PTPRD: variants seen among roughly 807,000 people sequenced by gnomAD.
The protein encoded by PTPRD is receptor-type tyrosine-protein phosphatase delta.
Under a neutral mutation model 214.5 loss-of-function variants are expected in PTPRD, and 34 were observed. The ratio of observed to expected loss-of-function variants is 0.16; its 90% CI spans 0.12 to 0.21. The LOEUF is 0.21. Ranked by LOEUF, PTPRD falls within the 10% of genes least tolerant of loss-of-function variation. The probability of loss-of-function intolerance (pLI) is 1.00; values close to 1 mark genes in which losing one functional copy is unlikely to be tolerated. For synonymous variants in PTPRD, 1,128 were observed against 845.7 expected (o/e 1.33, Z -5.79); for missense variants, 2,545 against 2,398.7 (o/e 1.06, Z -1.27).
At chr9:10,307,332 T>C (rs1230056886) in intron 3 of PTPRD, among the ~76,000 whole-genome samples, 2 of 152,140 alleles carry the variant, frequency 1.3e-5, no homozygotes, top group South Asian at 2.1e-4. Context: ...GACATCTGTC[T>C]TTCTGTGCCT....
At chr9:8,838,024 C>A (rs752251841) in intron 11 of PTPRD, among the ~76,000 whole-genome samples, 26 of 152,056 alleles carry the variant, frequency 1.7e-4, no homozygotes, top group Middle Eastern at 3.4e-3. Context: ...ATGTAAGAGT[C>A]AACTGAAGTT....
intron 6 of PTPRD, among the ~76,000 whole-genome samples, chr9:9,762,992 T>C (rs374033528): frequency 2.0e-5 from 3 of 152,208 alleles, no homozygotes; most frequent in South Asian, 4.1e-4. Context: ...GTTGCCATCT[T>C]GCTGTGTGTT....
Position 9,196,258 on chromosome 9 carries a change from G to T in PTPRD, c.-202-12895C>A, listed in dbSNP as rs1015920934. Reference sequence around the variant, plus strand: ...CTTCCTACTTCCTGGAACACAGAGTGAAATTATATGAAATAGTCATGTCTG... The same window carrying T: ...CTTCCTACTTCCTGGAACACAGAGTTAAATTATATGAAATAGTCATGTCTG... On this transcript the variant is annotated intron_variant, in intron 9 of 45. Coordinates refer to ENST00000381196, the MANE Select transcript of PTPRD (RefSeq NM_002839.4). 3.9e-5 allele frequency among the ~76,000 whole-genome samples: 6 copies of T among 152,268 alleles called. No homozygotes were observed. The South Asian group carries it at 1.0e-3, about 26-fold the overall frequency.
chr9:9,320,269 C>G (rs1432657380), intron 9 of PTPRD, among the ~76,000 whole-genome samples: 2 of 150,970 alleles, frequency 1.3e-5, no homozygotes, highest in African/African-American at 4.9e-5. Flanking sequence ...TTTTTTTTCC[C>G]TCACATATCA....
intron 8 of PTPRD, among the ~76,000 whole-genome samples, chr9:9,464,136 CTCCAT>C (rs1403840729): frequency 1.3e-5 from 2 of 152,156 alleles, no homozygotes; most frequent in Admixed American, 1.3e-4. Context: ...TTAATAAAGC[CTCCAT>C]TCCAGGAAAC....
intron 5 of PTPRD, among the ~76,000 whole-genome samples, chr9:9,848,686 C>G (rs9408795): frequency 0.45 from 68,049 of 151,870 alleles, 17,030 homozygotes; most frequent in Non-Finnish European, 0.58. Flanking sequence ...AAATATATCA[C>G]ACAAAATAGA....
At chr9:9,621,808 T>C in intron 7 of PTPRD, among the ~76,000 whole-genome samples, 1 of 152,334 alleles carries the variant, frequency 6.6e-6, no homozygotes, top group East Asian at 1.9e-4. Flanking sequence ...ATAGTGATGG[T>C]GTGATGGAAA....
chr9:10,590,903 AATAT>A (rs772560840), intron 2 of PTPRD, among the ~76,000 whole-genome samples: 4 of 150,356 alleles, frequency 2.7e-5, no homozygotes, highest in Non-Finnish European at 4.4e-5. Flanking sequence ...AATTATATAA[AATAT>A]ATATAAATTA....
intron 3 of PTPRD, among the ~76,000 whole-genome samples, chr9:10,290,465 G>C (rs1038227387): frequency 6.6e-6 from 1 of 152,100 alleles, no homozygotes; most frequent in Non-Finnish European, 1.5e-5. Context: ...ACATGAGAAA[G>C]CTGTAGTTGT....
At chr9:10,317,735 TAAAA>T (rs529815168) in intron 3 of PTPRD, among the ~76,000 whole-genome samples, 1 of 151,978 alleles carries the variant, frequency 6.6e-6, no homozygotes, top group African/African-American at 2.4e-5. Flanking sequence ...CAAACACAAA[TAAAA>T]AAATTACTTT....
At chr9:10,159,176 G>A (rs1245272502) in intron 3 of PTPRD, among the ~76,000 whole-genome samples, 2 of 151,304 alleles carry the variant, frequency 1.3e-5, no homozygotes, top group Middle Eastern at 3.4e-3. Flanking sequence ...GCAAAAATGT[G>A]GGGAGAAAAA....
intron 4 of PTPRD, among the ~76,000 whole-genome samples, chr9:9,994,391 C>A (rs1487926112): frequency 1.3e-5 from 2 of 152,134 alleles, no homozygotes; most frequent in Non-Finnish European, 2.9e-5. Context: ...ACTTACCTCT[C>A]TAGAATAATT....
chr9:8,871,802 C>T (rs907493297), intron 11 of PTPRD, among the ~76,000 whole-genome samples: 3 of 151,922 alleles, frequency 2.0e-5, no homozygotes, highest in African/African-American at 4.8e-5. Flanking sequence ...AATAGCTTAA[C>T]TTAATTCAAA....
chr9:9,511,614 T>C (rs529235671), intron 8 of PTPRD, among the ~76,000 whole-genome samples: 1 of 151,818 alleles, frequency 6.6e-6, no homozygotes, highest in Non-Finnish European at 1.5e-5. Context: ...ATCAACATCA[T>C]ATCTCTTGCA....
At chr9:9,204,159 A>T (rs2099943447) in intron 9 of PTPRD, among the ~76,000 whole-genome samples, 1 of 152,094 alleles carries the variant, frequency 6.6e-6, no homozygotes, top group African/African-American at 2.4e-5. Flanking sequence ...GGGACTTCTG[A>T]TTTCTAATCC....
At chr9:8,453,498 T>C (rs2096053515) in intron 33 of PTPRD, among the ~76,000 whole-genome samples, 1 of 152,202 alleles carries the variant, frequency 6.6e-6, no homozygotes, top group Admixed American at 6.5e-5. Context: ...GTTTAAAGTG[T>C]TTTGTCTTTT....
In PTPRD at chr9:9,324,880, G is replaced by A. The variant is rs776746924; in HGVS notation, c.-203+72569C>T. ...AAATAGTTTTTGTATAAGGTGTAAG[G>A]AAGGGATCCAGTTTCAGCTTTCTAC... On this transcript the variant is annotated intron_variant, in intron 9 of 45. Coordinates refer to ENST00000381196, the MANE Select transcript of PTPRD (RefSeq NM_002839.4). Among the ~76,000 whole-genome samples the A allele has an allele frequency of 1.2e-4, 19 of 152,182 alleles. 1 individual carries two copies. The highest frequency in any genetic ancestry group is 3.9e-4 in the African/African-American group (16 of 41,444).
chr9:9,716,061 A>G lies in PTPRD; in HGVS notation c.-287+18472T>C, dbSNP rs527772350. On this transcript the variant is annotated intron_variant, in intron 7 of 45. Coordinates refer to ENST00000381196, the MANE Select transcript of PTPRD (RefSeq NM_002839.4). Reference sequence around the variant, plus strand: ...ATGTCCCCCTTCCTGTGTCCATGTGATCTCATTGTTCAGTTCCCACCTATG... The same window carrying G: ...ATGTCCCCCTTCCTGTGTCCATGTGGTCTCATTGTTCAGTTCCCACCTATG... Among the ~76,000 whole-genome samples the G allele has an allele frequency of 2.8e-5, 4 of 143,560 alleles. No individual in the cohort carries two copies. In the South Asian group the frequency reaches 8.8e-4, roughly 32 times the overall value. The allele number at this position is 143,560 out of a possible 152,430, so 94.2% of individuals were successfully genotyped here. A position where few individuals can be genotyped will look rare whatever the true frequency, so the allele number is the denominator to read the frequency against.
chr9:9,691,531 T>C (rs1286069800), intron 7 of PTPRD, among the ~76,000 whole-genome samples: 3 of 152,044 alleles, frequency 2.0e-5, no homozygotes, highest in Admixed American at 2.0e-4. Context: ...TATTCATCTG[T>C]TGATGGAAAC....
Sources: allele counts gnomAD v4.1 joint callset (sites outside exome capture counted in the v4.1 genomes callset), GRCh38; gene constraint gnomAD v4.1.1; transcripts MANE v1.5; gene names NCBI Gene and HGNC (gene_info 2026-07-23, HGNC 2026-07-21).